The following FLYWCH2 variants were observed in gnomAD, a reference collection of about 807,000 sequenced individuals.
The protein encoded by FLYWCH2 is FLYWCH family member 2.
In FLYWCH2, 2 loss-of-function variants were observed where a neutral mutation model predicts 6.0. The observed-to-expected ratio is 0.33, with a 90% CI of 0.14 to 1.04. The LOEUF is 1.04. Ranked by LOEUF, FLYWCH2 falls within the 50% of genes least tolerant of loss-of-function variation. FLYWCH2 has a pLI of 0.45. For synonymous variants in FLYWCH2, 87 were observed against 79.3 expected (o/e 1.10, Z -0.52); for missense variants, 192 against 183.4 (o/e 1.05, Z -0.27).
intron 3 of FLYWCH2, among the ~76,000 whole-genome samples, chr16:2,898,386 G>C (rs2069846566): frequency 6.6e-6 from 1 of 152,182 alleles, no homozygotes; most frequent in African/African-American, 2.4e-5. Context: ...TGTCCCCCTG[G>C]CTTCTCCTGC....
chr16:2,890,665 A>G (rs911414615), intron 1 of FLYWCH2, among the ~76,000 whole-genome samples: 3 of 147,146 alleles, frequency 2.0e-5, no homozygotes, highest in African/African-American at 7.6e-5. Flanking sequence ...CTTGTGATCC[A>G]CCCGCCTCAG....
rs1422393892 is a variant in FLYWCH2, at chr16:2,899,077, A to G, written c.351A>G (p.Leu117=). 1 of 1,613,624 alleles carries G rather than the reference A, an allele frequency of 6.2e-7. No homozygotes were observed. The highest frequency in any genetic ancestry group is 8.5e-7 in the Non-Finnish European group (1 of 1,179,872). ...CAGACAGAACAGAAGACAGTGGATT[A>G]GCAGCGGGGCCTCCTGAGGCTGCTG... is the stretch of plus-strand genomic sequence containing the variant. The part of the protein sequence containing the change: ...PGTDRTEDSG[L]AAGPPEAAGE... The change falls in exon 4 of 4, where the codon TTA becomes TTG. Residue 117 remains leucine, a synonymous_variant. Coordinates refer to ENST00000396958, the MANE Select transcript of FLYWCH2 (RefSeq NM_138439.3).
rs548188348 is a variant in FLYWCH2, at chr16:2,894,468, A to C, written c.-199-752A>C. Among the ~76,000 whole-genome samples the C allele has an allele frequency of 3.5e-4, 53 of 152,258 alleles. 1 individual carries two copies. The South Asian group carries it at 0.011, about 30-fold the overall frequency. ...GCCGTAGCCAATCAGCGTGTGAAGC[A>C]GGGCGCTATGTGGTTGGGGCCTCCC... On this transcript the variant is annotated intron_variant, in intron 1 of 3. Transcript: ENST00000396958.
intron 1 of FLYWCH2, among the ~76,000 whole-genome samples, chr16:2,890,572 G>A (rs977828365): frequency 1.0e-4 from 15 of 149,744 alleles, no homozygotes; most frequent in Non-Finnish European, 1.6e-4. Flanking sequence ...CTGCCACCAC[G>A]CCCGGCCAAT....
chr16:2,896,251 G>A (rs919395702), intron 2 of FLYWCH2, 101 bp from the exon 3 acceptor site: 18 of 633,166 alleles, frequency 2.8e-5, no homozygotes, highest in East Asian at 2.6e-4. Flanking sequence ...TGGCCCCAGC[G>A]AGCAGTGAGG....
chr16:2,889,432 A>G (rs1261009932), intron 1 of FLYWCH2, among the ~76,000 whole-genome samples: 1 of 151,484 alleles, frequency 6.6e-6, no homozygotes, highest in Non-Finnish European at 1.5e-5. Flanking sequence ...GGATGGTCTC[A>G]ATCTCCTGAC....
chr16:2,890,723 C>T (rs564242905), intron 1 of FLYWCH2, among the ~76,000 whole-genome samples: 4 of 152,036 alleles, frequency 2.6e-5, no homozygotes, highest in East Asian at 1.9e-4. Flanking sequence ...CGCCCAGCCA[C>T]GCCTGACTAA....
Position 2,893,634 on chromosome 16 carries a change from CTTTTTTT to C in FLYWCH2, c.-199-1571_-199-1565del, listed in dbSNP as rs35147234. ...CACTTTGGGGCCCTTTTCTTTTCTT[CTTTTTTT>C]TTTTTTTTTTTTTTGAAACGGATTC... is the stretch of plus-strand genomic sequence containing the variant. On this transcript the variant is annotated intron_variant, in intron 1 of 3. Transcript: ENST00000396958. Among the ~76,000 whole-genome samples the C allele has an allele frequency of 1.6e-3, 181 of 111,924 alleles. 1 individual carries two copies. The highest frequency in any genetic ancestry group is 5.9e-3 in the East Asian group (22 of 3,742). The allele number at this position is 111,924 out of a possible 152,430, so 73.4% of individuals were successfully genotyped here.
In FLYWCH2 at chr16:2,899,097, C is replaced by T; in HGVS notation, c.371C>T (p.Ala124Val). Reference sequence around the variant, plus strand: ...GGATTAGCAGCGGGGCCTCCTGAGGCTGCTGGGGAGAACTTTGCCCCCTGC... The same window carrying T: ...GGATTAGCAGCGGGGCCTCCTGAGGTTGCTGGGGAGAACTTTGCCCCCTGC... Reference protein sequence around the residue: ...DSGLAAGPPEAAGENFAPCSV... With the variant: ...DSGLAAGPPEVAGENFAPCSV... The change falls in exon 4 of 4, where the codon GCT becomes GTT. Residue 124 changes from alanine to valine, a missense_variant. Physicochemically the swap from Ala to Val is moderately conservative, Grantham distance 64. Coordinates refer to ENST00000396958, the MANE Select transcript of FLYWCH2 (RefSeq NM_138439.3). 3.7e-6 allele frequency: 6 copies of T among 1,613,808 alleles called. No homozygotes were observed. The highest frequency in any genetic ancestry group is 5.1e-6 in the Non-Finnish European group (6 of 1,179,884).
intron 1 of FLYWCH2, among the ~76,000 whole-genome samples, chr16:2,892,266 G>A (rs111538202): frequency 0.032 from 4,866 of 151,610 alleles, 241 homozygotes; most frequent in African/African-American, 0.11. Context: ...AGGCTGAGGC[G>A]GGTGGATCAC....
intron 1 of FLYWCH2, among the ~76,000 whole-genome samples, chr16:2,892,946 GTA>G (rs886249989): frequency 4.1e-4 from 58 of 140,740 alleles, no homozygotes; most frequent in South Asian, 8.9e-4. Context: ...CATATATGTT[GTA>G]TATGTGTCAT....
chr16:2,889,260 G>A (rs2069730481), intron 1 of FLYWCH2, among the ~76,000 whole-genome samples: 1 of 148,616 alleles, frequency 6.7e-6, no homozygotes, highest in African/African-American at 2.5e-5. Context: ...ACACAGCTTG[G>A]AATACAGTGG....
chr16:2,897,705 A>C (rs2069839433), intron 3 of FLYWCH2, among the ~76,000 whole-genome samples: 1 of 152,228 alleles, frequency 6.6e-6, no homozygotes, highest in Non-Finnish European at 1.5e-5. Context: ...GCAGGAGGAC[A>C]GGTCCCCTCC....
At chr16:2,886,989 TCTTAAA>T (rs2069705582) in intron 1 of FLYWCH2, among the ~76,000 whole-genome samples, 1 of 152,268 alleles carries the variant, frequency 6.6e-6, no homozygotes, top group East Asian at 1.9e-4. Flanking sequence ...AACACAAAAC[TCTTAAA>T]CTTAGTTGAA....
At chr16:2,894,933 A>G (rs960361574) in intron 1 of FLYWCH2, among the ~76,000 whole-genome samples, 16 of 152,158 alleles carry the variant, frequency 1.1e-4, no homozygotes, top group Non-Finnish European at 1.8e-4. Flanking sequence ...CCTCAAGCCC[A>G]GGTTGGGGAA....
In FLYWCH2 at chr16:2,897,909, G is replaced by A. The variant is rs191540814; in HGVS notation, c.322+1138G>A. 7.5e-5 allele frequency among the ~76,000 whole-genome samples: 10 copies of A among 133,924 alleles called. No homozygotes were observed. The East Asian group carries it at 8.6e-4, about 12-fold the overall frequency. The allele number at this position is 133,924 out of a possible 152,430, so 87.9% of individuals were successfully genotyped here. A position where few individuals can be genotyped will look rare whatever the true frequency, so the allele number is the denominator to read the frequency against. On this transcript the variant is annotated intron_variant, in intron 3 of 3. Coordinates refer to ENST00000396958, the MANE Select transcript of FLYWCH2 (RefSeq NM_138439.3). ...TTCCCAACTGGGAGTGGGCTCTGCCGTGCCCTGAGAAGAAGAGGCGTAGCA... is the reference window on the plus strand; with the variant it reads ...TTCCCAACTGGGAGTGGGCTCTGCCATGCCCTGAGAAGAAGAGGCGTAGCA...
chr16:2,899,131 G>GC lies in FLYWCH2; in HGVS notation c.408dup (p.Gly137ArgfsTer34). ...AGAACTTTGCCCCCTGCTCTGTGGCGCCCGGCAAGTCCCTGTAACCTTGAC... is the reference window on the plus strand; with the variant it reads ...AGAACTTTGCCCCCTGCTCTGTGGCGCCCCGGCAAGTCCCTGTAACCTTGAC... On this transcript the variant is annotated frameshift_variant, in exon 4 of 4. Coordinates refer to ENST00000396958, the MANE Select transcript of FLYWCH2 (RefSeq NM_138439.3). LOFTEE classifies it high-confidence loss of function. The GC allele has an allele frequency of 6.2e-7, 1 of 1,613,034 alleles. No individual in the cohort carries two copies. Among genetic ancestry groups the GC allele is most frequent in the Non-Finnish European group, 8.5e-7 (1 of 1,179,544 alleles).
intron 1 of FLYWCH2, among the ~76,000 whole-genome samples, chr16:2,886,187 A>AC (rs2069696180): frequency 6.8e-6 from 1 of 146,350 alleles, no homozygotes; most frequent in Non-Finnish European, 1.5e-5. Context: ...TATTGTTATT[A>AC]TTTTTTTTTT....
chr16:2,886,253 C>T (rs994184588), intron 1 of FLYWCH2, among the ~76,000 whole-genome samples: 12 of 151,934 alleles, frequency 7.9e-5, no homozygotes, highest in Non-Finnish European at 1.5e-4. Flanking sequence ...TGCAGTGGCG[C>T]CACCTCGGCT....
Sources: gnomAD v4.1 joint callset for allele counts (sites outside exome capture counted in the v4.1 genomes callset) on GRCh38, gnomAD v4.1.1 for gene constraint, MANE v1.5 for transcripts, NCBI Gene and HGNC (gene_info 2026-07-23, HGNC 2026-07-21) for gene names.